The following VAV3 variants were observed in gnomAD, a reference collection of about 807,000 sequenced individuals.
VAV3 encodes guanine nucleotide exchange factor VAV3.
A neutral mutation model predicts 131.2 loss-of-function variants in VAV3; 94 were observed. The observed-to-expected ratio is 0.72, with a 90% CI of 0.61 to 0.85. VAV3 has a LOEUF of 0.85. VAV3 is among the 40% of genes least tolerant of loss of function. The probability of loss-of-function intolerance (pLI) is 0.00; values close to 1 mark genes in which losing one functional copy is unlikely to be tolerated. For missense variants in VAV3, 939 were observed against 1,002.7 expected (o/e 0.94, Z 0.86); for synonymous variants, 349 against 342.0 (o/e 1.02, Z -0.22).
intron 1 of VAV3, among the ~76,000 whole-genome samples, chr1:107,883,666 T>C (rs1670893605): frequency 6.6e-6 from 1 of 152,192 alleles, no homozygotes; most frequent in African/African-American, 2.4e-5. Flanking sequence ...GCATGATCTT[T>C]AGTCTGTGTT....
At chr1:107,629,735 A>G (rs1654310508) in intron 20 of VAV3, among the ~76,000 whole-genome samples, 1 of 152,168 alleles carries the variant, frequency 6.6e-6, no homozygotes, top group African/African-American at 2.4e-5. Context: ...TGAAAGAAGT[A>G]ATAATGAAAA....
At chr1:107,689,885 G>C (rs1215357279) in intron 17 of VAV3, among the ~76,000 whole-genome samples, 1 of 152,204 alleles carries the variant, frequency 6.6e-6, no homozygotes, top group Non-Finnish European at 1.5e-5. Flanking sequence ...GTTCTTGACA[G>C]AACAGCTGTG....
intron 21 of VAV3, 78 bp downstream of exon 21, chr1:107,617,489 C>T: frequency 7.7e-7 from 1 of 1,301,676 alleles, no homozygotes. Flanking sequence ...GGCCAGTATC[C>T]TTTGTAGATT....
intron 1 of VAV3, among the ~76,000 whole-genome samples, chr1:107,909,621 A>C (rs1233954576): frequency 3.3e-5 from 5 of 152,154 alleles, no homozygotes; most frequent in African/African-American, 1.2e-4. Context: ...ATTTCCGAAA[A>C]ACTTATGGTG....
chr1:107,789,935 T>C (rs953347681), intron 2 of VAV3, among the ~76,000 whole-genome samples: 1 of 152,166 alleles, frequency 6.6e-6, no homozygotes, highest in Non-Finnish European at 1.5e-5. Flanking sequence ...AGTAGCCACA[T>C]GTGGTTAATA....
At chr1:107,762,974 C>CA (rs1158081742) in intron 9 of VAV3, among the ~76,000 whole-genome samples, 1 of 152,130 alleles carries the variant, frequency 6.6e-6, no homozygotes, top group Non-Finnish European at 1.5e-5. Context: ...CATCGCCCTT[C>CA]ACCCCATGTT....
intron 19 of VAV3, among the ~76,000 whole-genome samples, chr1:107,662,148 T>C (rs1486818154): frequency 6.6e-6 from 1 of 152,220 alleles, no homozygotes; most frequent in Admixed American, 6.5e-5. Context: ...AATGAATTGC[T>C]ATGATTTTTT....
chr1:107,881,737 T>C (rs1262303373), intron 1 of VAV3, among the ~76,000 whole-genome samples: 1 of 152,126 alleles, frequency 6.6e-6, no homozygotes, highest in East Asian at 1.9e-4. Flanking sequence ...ATCCTAAAAT[T>C]ATAAATCAGG....
chr1:107,902,648 T>G (rs17020319), intron 1 of VAV3, among the ~76,000 whole-genome samples: 4,294 of 152,250 alleles, frequency 0.028, 98 homozygotes, highest in East Asian at 0.1. Context: ...TCCTACATGT[T>G]TAAACCTTTA....
intron 25 of VAV3, among the ~76,000 whole-genome samples, chr1:107,592,101 C>G (rs1651013791): frequency 1.3e-5 from 2 of 151,798 alleles, no homozygotes; most frequent in South Asian, 4.1e-4. Context: ...AACCCCTGTT[C>G]TAGGATTCAA....
intron 2 of VAV3, among the ~76,000 whole-genome samples, chr1:107,814,746 G>A (rs1357492708): frequency 6.6e-6 from 1 of 152,170 alleles, no homozygotes; most frequent in Non-Finnish European, 1.5e-5. Flanking sequence ...ATAATTTTGA[G>A]CAATGCAGAG....
At chr1:107,757,220 G>T in intron 11 of VAV3, 41 bp downstream of exon 11, 3 of 1,531,284 alleles carry the variant, frequency 2.0e-6, no homozygotes, top group Non-Finnish European at 2.7e-6. Context: ...CTTTAGGCAA[G>T]AATAAAAAAT....
rs1666963705 is a variant in VAV3 at position 107,804,370 on chromosome 1, T to C, written c.322-24878A>G. Among the ~76,000 whole-genome samples, 10 of 152,180 alleles carry C rather than the reference T, an allele frequency of 6.6e-5. No individual in the cohort carries two copies. The South Asian group carries it at 2.1e-3, about 31-fold the overall frequency. ...AGTGACTTCCTCTGGTAACATGTTT[T>C]AATTCATTGCTTTTTCTAATTTTAG... On this transcript the variant is annotated intron_variant, in intron 2 of 26. Coordinates refer to ENST00000370056, the MANE Select transcript of VAV3 (RefSeq NM_006113.5).
chr1:107,920,452 C>T (rs1186823984), intron 1 of VAV3, among the ~76,000 whole-genome samples: 1 of 152,112 alleles, frequency 6.6e-6, no homozygotes, highest in East Asian at 1.9e-4. Context: ...GGTGGTCCAC[C>T]AAATATTGCC....
At chr1:107,816,348 ATT>A (rs776038680) in intron 2 of VAV3, among the ~76,000 whole-genome samples, 3 of 152,222 alleles carry the variant, frequency 2.0e-5, no homozygotes, top group Non-Finnish European at 4.4e-5. Context: ...CCACAAAGTG[ATT>A]TTTAAGATTA....
chr1:107,837,142 C>T (rs1426821315), intron 2 of VAV3, among the ~76,000 whole-genome samples: 5 of 152,026 alleles, frequency 3.3e-5, no homozygotes, highest in Non-Finnish European at 7.4e-5. Flanking sequence ...AGCTGATATC[C>T]CTGATGAATA....
intron 1 of VAV3, among the ~76,000 whole-genome samples, chr1:107,902,366 A>G (rs1483977830): frequency 1.3e-5 from 2 of 152,140 alleles, no homozygotes; most frequent in Non-Finnish European, 1.5e-5. Flanking sequence ...TCTTACATTG[A>G]CTTTATTCAT....
chr1:107,855,613 C>A (rs77607193), intron 2 of VAV3, among the ~76,000 whole-genome samples: 10,677 of 152,048 alleles, frequency 0.07, 720 homozygotes, highest in African/African-American at 0.18. Flanking sequence ...TTGTTAAGAG[C>A]AGGGGCAGGA....
At chr1:107,633,777 G>A (rs1393368134) in intron 20 of VAV3, among the ~76,000 whole-genome samples, 3 of 151,994 alleles carry the variant, frequency 2.0e-5, no homozygotes, top group Admixed American at 6.6e-5. Context: ...AGTACCCTGC[G>A]ATCACCATGC....
Sources: gnomAD v4.1 joint callset for allele counts (sites outside exome capture counted in the v4.1 genomes callset) on GRCh38, gnomAD v4.1.1 for gene constraint, MANE v1.5 for transcripts, NCBI Gene and HGNC (gene_info 2026-07-23, HGNC 2026-07-21) for gene names.